TLL1: variants seen among roughly 807,000 people sequenced by gnomAD.
TLL1 encodes tolloid-like protein 1.
In TLL1, 49 loss-of-function variants were observed where a neutral mutation model predicts 128.2. The observed-to-expected ratio is 0.38, with a 90% CI of 0.30 to 0.48. The LOEUF (loss-of-function observed/expected upper bound fraction) is 0.48. Ranked by LOEUF, TLL1 falls within the 20% of genes least tolerant of loss-of-function variation. The pLI, the probability that TLL1 is intolerant of heterozygous loss-of-function variation, is 0.96. For synonymous variants in TLL1, 454 were observed against 418.8 expected (o/e 1.08, Z -1.03); for missense variants, 1,123 against 1,242.0 (o/e 0.90, Z 1.44).
At chr4:166,067,833 A>G (rs1281180396) in intron 16 of TLL1, among the ~76,000 whole-genome samples, 1 of 151,746 alleles carries the variant, frequency 6.6e-6, no homozygotes, top group African/African-American at 2.4e-5. Flanking sequence ...ATATATTTCT[A>G]TGACAGATGA....
chr4:165,874,756 C>A (rs1255472184), intron 1 of TLL1, among the ~76,000 whole-genome samples: 1 of 152,268 alleles, frequency 6.6e-6, no homozygotes, highest in Admixed American at 6.5e-5. Context: ...GAAATGCAGT[C>A]GGACCGGCAC....
chr4:166,060,889 A>T (rs567782873), intron 15 of TLL1, among the ~76,000 whole-genome samples: 2 of 152,252 alleles, frequency 1.3e-5, no homozygotes, highest in African/African-American at 4.8e-5. Context: ...CACTGGTTTA[A>T]TTCCAGAGGA....
chr4:165,964,744 A>C (rs1735285544), intron 1 of TLL1, among the ~76,000 whole-genome samples: 1 of 152,084 alleles, frequency 6.6e-6, no homozygotes, highest in Non-Finnish European at 1.5e-5. Flanking sequence ...CTGGGAAGCA[A>C]TAAGAGACCT....
intron 5 of TLL1, among the ~76,000 whole-genome samples, chr4:165,996,394 A>G (rs1171068630): frequency 6.6e-6 from 1 of 152,164 alleles, no homozygotes; most frequent in African/African-American, 2.4e-5. Context: ...GGATAACTTG[A>G]GGTCAGGAGT....
chr4:165,913,811 C>T (rs766265273), intron 1 of TLL1, among the ~76,000 whole-genome samples: 10 of 152,192 alleles, frequency 6.6e-5, no homozygotes, highest in Admixed American at 3.9e-4. Context: ...ATCAGGGGCT[C>T]GCAACCAGCC....
chr4:165,947,043 A>T lies in TLL1; in HGVS notation c.170-42338A>T, dbSNP rs536209894. ...ATTACCTAGTGTATTTGTCAGCAAG[A>T]TGTCACAGACTGGGTGGAATAAAAA... On this transcript the variant is annotated intron_variant, in intron 1 of 20. Coordinates refer to ENST00000061240, the MANE Select transcript of TLL1 (RefSeq NM_012464.5). 7.2e-4 allele frequency among the ~76,000 whole-genome samples: 109 copies of T among 152,264 alleles called. 1 individual carries two copies. The highest frequency in any genetic ancestry group is 4.8e-3 in the South Asian group (23 of 4,828).
At chr4:165,962,687 GA>G (rs1469383691) in intron 1 of TLL1, among the ~76,000 whole-genome samples, 1 of 152,090 alleles carries the variant, frequency 6.6e-6, no homozygotes, top group African/African-American at 2.4e-5. Flanking sequence ...ACTGGATAAA[GA>G]AAACGTGGTA....
intron 1 of TLL1, among the ~76,000 whole-genome samples, chr4:165,913,043 T>A (rs1732611695): frequency 6.6e-6 from 1 of 152,174 alleles, no homozygotes; most frequent in Non-Finnish European, 1.5e-5. Context: ...CAATTACGTG[T>A]TTATTCCAAG....
chr4:166,007,976 G>A lies in TLL1; in HGVS notation c.845G>A (p.Gly282Glu). Residue 282 changes from glycine (G) to glutamate (E), a missense_variant, in exon 7 of 21, where the codon GGA becomes GAA. Gly to Glu is a moderately conservative substitution (Grantham distance 98). Transcript: ENST00000061240. ...TACAATTTTCTGAAGATGGAGCCTG[G>A]AGAAGTAAACTCACTTGGAGAAAGA... is the stretch of plus-strand genomic sequence containing the variant. ...QEYNFLKMEP[G>E]EVNSLGERYD... 1 of 1,609,770 alleles carries A rather than the reference G, an allele frequency of 6.2e-7. No individual in the cohort carries two copies. Among genetic ancestry groups the A allele is most frequent in the Non-Finnish European group, 8.5e-7 (1 of 1,176,820 alleles).
At chr4:165,914,299 T>G (rs1307864117) in intron 1 of TLL1, among the ~76,000 whole-genome samples, 1 of 152,180 alleles carries the variant, frequency 6.6e-6, no homozygotes, top group Non-Finnish European at 1.5e-5. Flanking sequence ...TATAAAGAAG[T>G]CTTGAACTTA....
chr4:165,959,218 C>G (rs1734968845), intron 1 of TLL1, among the ~76,000 whole-genome samples: 1 of 151,892 alleles, frequency 6.6e-6, no homozygotes, highest in African/African-American at 2.4e-5. Context: ...TCCATATGAA[C>G]TTTAAAGTAG....
At chr4:165,972,779 T>C (rs1735684044) in intron 1 of TLL1, among the ~76,000 whole-genome samples, 1 of 152,204 alleles carries the variant, frequency 6.6e-6, no homozygotes, top group Non-Finnish European at 1.5e-5. Context: ...TTGTGGTCAG[T>C]GAGCCCATTC....
rs559789706 is a variant in TLL1 at position 165,905,480 on chromosome 4, C to G, written c.169+31407C>G. On this transcript the variant is annotated intron_variant, in intron 1 of 20. Transcript: ENST00000061240. ...ACTCATATTAAACTTTCCTTTAGCC[C>G]TGTATTATAATGTCTTGATTCACAA... Among the ~76,000 whole-genome samples, 315 of 152,206 alleles carry G rather than the reference C, an allele frequency of 2.1e-3. 11 individuals are homozygous for G. The South Asian group carries it at 0.063, about 30-fold the overall frequency.
Position 165,994,538 on chromosome 4 carries a change from G to A in TLL1, c.514+5G>A. On this transcript the variant is annotated splice_donor_5th_base_variant and intron_variant, in intron 4 of 20. Transcript: ENST00000061240. ...TTATAGGAGGAAACTTCACTGGTAA[G>A]ATACTCCCAGCATGTCTGTTTTCAT... 1 of 1,613,868 alleles carries A rather than the reference G, an allele frequency of 6.2e-7. No individual in the cohort carries two copies.
chr4:166,069,178 A>C (rs976952641), intron 16 of TLL1, among the ~76,000 whole-genome samples: 16 of 151,816 alleles, frequency 1.1e-4, no homozygotes, highest in Non-Finnish European at 4.4e-5. Context: ...AGTGTATTTA[A>C]TTGAGTTAAA....
At chr4:165,896,061 C>T (rs1731661189) in intron 1 of TLL1, among the ~76,000 whole-genome samples, 1 of 152,094 alleles carries the variant, frequency 6.6e-6, no homozygotes, top group Non-Finnish European at 1.5e-5. Flanking sequence ...TTAGGTATTT[C>T]TCCGAATGCT....
At chr4:165,976,141 A>T (rs1735876895) in intron 1 of TLL1, among the ~76,000 whole-genome samples, 2 of 152,048 alleles carry the variant, frequency 1.3e-5, no homozygotes, top group African/African-American at 4.8e-5. Flanking sequence ...AAACACACAT[A>T]CACACACAGA....
At chr4:165,890,107 C>G (rs1360382711) in intron 1 of TLL1, among the ~76,000 whole-genome samples, 1 of 152,018 alleles carries the variant, frequency 6.6e-6, no homozygotes, top group Non-Finnish European at 1.5e-5. Flanking sequence ...GGAGAAGGCC[C>G]CTTATAAAAC....
intron 19 of TLL1, among the ~76,000 whole-genome samples, chr4:166,098,908 T>C (rs1320081543): frequency 6.6e-6 from 1 of 152,132 alleles, no homozygotes; most frequent in Non-Finnish European, 1.5e-5. Flanking sequence ...TTAAAAATTA[T>C]TGAGTTACTA....
Sources: gnomAD v4.1 joint callset for allele counts (sites outside exome capture counted in the v4.1 genomes callset) on GRCh38, gnomAD v4.1.1 for gene constraint, MANE v1.5 for transcripts, NCBI Gene and HGNC (gene_info 2026-07-23, HGNC 2026-07-21) for gene names.